CSMD1: variants seen among roughly 807,000 people sequenced by gnomAD.
CSMD1 encodes the protein CUB and Sushi multiple domains 1.
A neutral mutation model predicts 417.5 loss-of-function variants in CSMD1; 213 were observed. That is an observed-to-expected ratio of 0.51 (90% CI 0.46 to 0.57). The LOEUF is 0.57. Among genes scored for constraint, CSMD1 ranks in the 20% least tolerant of loss-of-function variants. CSMD1 has a pLI of 0.00. For synonymous variants in CSMD1, 2,862 were observed against 1,736.8 expected (o/e 1.65, Z -16.11); for missense variants, 6,923 against 4,529.7 (o/e 1.53, Z -15.17).
chr8:3,668,208 T>C lies in CSMD1; in HGVS notation c.1009+40206A>G, dbSNP rs574604221. Among the ~76,000 whole-genome samples, 22 of 152,146 alleles carry C rather than the reference T, an allele frequency of 1.4e-4. No homozygotes were observed. In the East Asian group the frequency reaches 3.5e-3, roughly 24 times the overall value. On this transcript the variant is annotated intron_variant, in intron 7 of 69. Coordinates refer to ENST00000635120, the MANE Select transcript of CSMD1 (RefSeq NM_033225.6). Reference sequence around the variant, plus strand: ...ATGTTTCCCAGCTAATAAGGGAACATAGTAAAACTGACATCCGTCCACCAC... The same window carrying C: ...ATGTTTCCCAGCTAATAAGGGAACACAGTAAAACTGACATCCGTCCACCAC...
chr8:3,370,703 G>C lies in CSMD1; in HGVS notation c.2783-1333C>G, dbSNP rs538662664. Among the ~76,000 whole-genome samples the C allele has an allele frequency of 4.6e-5, 7 of 152,260 alleles. No homozygotes were observed. In the South Asian group the frequency reaches 1.5e-3, roughly 32 times the overall value. ...AAAAGGCAGAGAAAAGGCTGGGCAC[G>C]GTAGCTCACACCTGTAATCCCAGCA... On this transcript the variant is annotated intron_variant, in intron 18 of 69. Transcript: ENST00000635120.
At chr8:3,578,700 T>C (rs1809118545) in intron 9 of CSMD1, among the ~76,000 whole-genome samples, 2 of 152,134 alleles carry the variant, frequency 1.3e-5, no homozygotes, top group South Asian at 4.2e-4. Flanking sequence ...ATTGGGCAGC[T>C]CCTCACACAG....
chr8:4,150,689 G>T (rs983586647), intron 3 of CSMD1, among the ~76,000 whole-genome samples: 1 of 152,142 alleles, frequency 6.6e-6, no homozygotes, highest in Non-Finnish European at 1.5e-5. Flanking sequence ...TTAGCATTTG[G>T]TTTAGAACCT....
intron 3 of CSMD1, among the ~76,000 whole-genome samples, chr8:4,332,944 T>TA (rs35103998): frequency 1.6e-3 from 232 of 143,492 alleles, no homozygotes; most frequent in Admixed American, 2.5e-3. Flanking sequence ...TATAAAAATC[T>TA]AAAAAAAAAA....
intron 3 of CSMD1, among the ~76,000 whole-genome samples, chr8:4,191,590 CAGCTGTTTA>C (rs1433101938): frequency 6.6e-6 from 1 of 152,050 alleles, no homozygotes; most frequent in Non-Finnish European, 1.5e-5. Flanking sequence ...CACTGTTCTT[CAGCTGTTTA>C]AGCTTTCTAT....
intron 1 of CSMD1, among the ~76,000 whole-genome samples, chr8:4,835,290 G>C (rs993226485): frequency 2.0e-5 from 3 of 152,098 alleles, no homozygotes; most frequent in Non-Finnish European, 2.9e-5. Flanking sequence ...AACATCGTCG[G>C]AGATTACGTT....
chr8:4,708,922 G>C (rs1321049850), intron 1 of CSMD1, among the ~76,000 whole-genome samples: 1 of 152,074 alleles, frequency 6.6e-6, no homozygotes, highest in African/African-American at 2.4e-5. Context: ...ACAGGAAGGT[G>C]GTCATTCACA....
chr8:4,326,892 C>T (rs571760973), intron 3 of CSMD1, among the ~76,000 whole-genome samples: 2 of 151,950 alleles, frequency 1.3e-5, no homozygotes, highest in East Asian at 1.9e-4. Flanking sequence ...TTTACATAGA[C>T]CATGTATAGG....
intron 3 of CSMD1, among the ~76,000 whole-genome samples, chr8:4,139,670 C>G (rs1172886651): frequency 6.6e-6 from 1 of 151,154 alleles, no homozygotes; most frequent in Non-Finnish European, 1.5e-5. Flanking sequence ...GGATGCCAAA[C>G]AGTGCCATTT....
intron 2 of CSMD1, among the ~76,000 whole-genome samples, chr8:4,486,178 TACATATATATATATATATATACATAC>T (rs1801385998): frequency 9.6e-5 from 1 of 10,366 alleles, no homozygotes; most frequent in Admixed American, 1.0e-3. Flanking sequence ...TATATATACA[TACATATATATATATATATATACATAC>T]ATATATATAT....
intron 3 of CSMD1, among the ~76,000 whole-genome samples, chr8:4,378,413 G>C (rs748037153): frequency 1.3e-5 from 2 of 152,154 alleles, no homozygotes; most frequent in African/African-American, 4.8e-5. Flanking sequence ...TAAAACAGAA[G>C]AGCATGATAT....
chr8:3,012,784 C>G (rs548061023), intron 52 of CSMD1, among the ~76,000 whole-genome samples: 1 of 152,182 alleles, frequency 6.6e-6, no homozygotes, highest in South Asian at 2.1e-4. Context: ...AGCTCTCTTT[C>G]TCTGTACACA....
At chr8:3,412,447 A>G (rs1381346780) in intron 12 of CSMD1, among the ~76,000 whole-genome samples, 3 of 152,140 alleles carry the variant, frequency 2.0e-5, no homozygotes, top group Non-Finnish European at 2.9e-5. Flanking sequence ...AGGTTGATCC[A>G]GAGATGTTAT....
intron 5 of CSMD1, among the ~76,000 whole-genome samples, chr8:3,824,181 G>T (rs893928936): frequency 6.6e-6 from 1 of 151,848 alleles, no homozygotes. Context: ...TATAGCTTTG[G>T]AGATGATGAC....
At chr8:3,007,304 G>A (rs1324759096) in intron 52 of CSMD1, among the ~76,000 whole-genome samples, 1 of 151,828 alleles carries the variant, frequency 6.6e-6, no homozygotes, top group African/African-American at 2.4e-5. Context: ...GGAGAAATAG[G>A]AACACTACAC....
At chr8:3,680,703 C>T (rs1325329044) in intron 7 of CSMD1, among the ~76,000 whole-genome samples, 2 of 152,132 alleles carry the variant, frequency 1.3e-5, no homozygotes, top group Non-Finnish European at 2.9e-5. Flanking sequence ...CCAACATCAT[C>T]CTGATACCAA....
At chr8:3,762,748 T>G (rs918593650) in intron 5 of CSMD1, among the ~76,000 whole-genome samples, 5 of 152,164 alleles carry the variant, frequency 3.3e-5, no homozygotes, top group African/African-American at 1.2e-4. Flanking sequence ...ACAGCTCGGC[T>G]TGGTTTATTC....
intron 3 of CSMD1, among the ~76,000 whole-genome samples, chr8:4,092,545 T>A (rs1344729360): frequency 6.6e-6 from 1 of 152,156 alleles, no homozygotes. Context: ...TTTTGGAAAA[T>A]TATTTTAAAG....
intron 25 of CSMD1, among the ~76,000 whole-genome samples, chr8:3,298,435 T>A (rs58106761): frequency 0.11 from 16,080 of 151,770 alleles, 866 homozygotes; most frequent in Non-Finnish European, 0.12. Flanking sequence ...GTGAGACACA[T>A]AATTAATAAA....
Sources: gnomAD v4.1 joint callset for allele counts (sites outside exome capture counted in the v4.1 genomes callset) on GRCh38, gnomAD v4.1.1 for gene constraint, MANE v1.5 for transcripts, NCBI Gene and HGNC (gene_info 2026-07-23, HGNC 2026-07-21) for gene names.